Variants in IL17RA observed in about 807,000 individuals in gnomAD.
The protein encoded by IL17RA is interleukin 17 receptor A.
IL17RA carries 34 observed loss-of-function variants against 50.4 expected under a neutral mutation model. That is an observed-to-expected ratio of 0.67 (90% confidence interval 0.51 to 0.90). The LOEUF (loss-of-function observed/expected upper bound fraction) is 0.90, where lower values mean the gene tolerates loss of function less well. Among genes scored for constraint, IL17RA ranks in the 40% least tolerant of loss-of-function variants. The probability of loss-of-function intolerance (pLI) is 0.00; values close to 1 mark genes in which losing one functional copy is unlikely to be tolerated. For synonymous variants in IL17RA, 585 were observed against 510.4 expected, an observed-to-expected ratio of 1.15 and a Z score of -1.97; for missense variants, 1,276 against 1,169.8, an observed-to-expected ratio of 1.09 and a Z score of -1.32.
chr22:17,107,790 T>C (rs374305082), intron 12 of IL17RA, 22 bp downstream of exon 12: 7 of 1,610,482 alleles, frequency 4.3e-6, no homozygotes, highest in Non-Finnish European at 5.9e-6. Context: ...CTGGTTTGCA[T>C]GTTTGCTTAT....
chr22:17,102,121 CGT>C lies in IL17RA; in HGVS notation c.599-12_599-11del, dbSNP rs1247009182. 1.9e-6 allele frequency: 3 copies of C among 1,614,038 alleles called. No homozygotes were observed. On this transcript the variant is annotated splice_polypyrimidine_tract_variant and intron_variant, in intron 6 of 12. Transcript: ENST00000319363. ...CGTGCCCCTCCTCACTCCCAGCCTG[CGT>C]GTGTGACCTTGGCAGGCAGCCTGTG... is the stretch of plus-strand genomic sequence containing the variant.
intron 1 of IL17RA, among the ~76,000 whole-genome samples, chr22:17,094,691 C>CTCTCTCTCTCTA (rs1448096911): frequency 3.6e-4 from 9 of 24,696 alleles, no homozygotes; most frequent in Non-Finnish European, 4.7e-4. Context: ...CTCTCTCTCT[C>CTCTCTCTCTCTA]TATATATATA....
intron 12 of IL17RA, 106 bp downstream of exon 12, chr22:17,107,874 C>G: frequency 1.0e-6 from 1 of 969,300 alleles, no homozygotes; most frequent in Non-Finnish European, 1.7e-6. Context: ...CAAGTCCCTT[C>G]AGGAGACCCC....
rs193063321 is a variant in IL17RA at position 17,089,113 on chromosome 22, A to G, written c.138+3884A>G. On this transcript the variant is annotated intron_variant, in intron 1 of 12. Coordinates refer to ENST00000319363, the MANE Select transcript of IL17RA (RefSeq NM_014339.7). ...GCCTGGCCAATTTTTTAATTTTTTT[A>G]GTAGAGACAGGGTTTCACCAGGTTG... Among the ~76,000 whole-genome samples the G allele has an allele frequency of 1.1e-3, 168 of 152,128 alleles. 1 individual carries two copies. Among genetic ancestry groups the G allele is most frequent in the African/African-American group, 3.9e-3 (160 of 41,498 alleles).
At chr22:17,085,545 A>T (rs1195054284) in intron 1 of IL17RA, among the ~76,000 whole-genome samples, 1 of 151,374 alleles carries the variant, frequency 6.6e-6, no homozygotes, top group Admixed American at 6.6e-5. Flanking sequence ...TCGGGGAAGG[A>T]GGGCGCGGCG....
intron 1 of IL17RA, 83 bp downstream of exon 1, chr22:17,085,312 A>G: frequency 6.6e-7 from 1 of 1,517,368 alleles, no homozygotes; most frequent in Non-Finnish European, 8.8e-7. Flanking sequence ...GGTCGGGACT[A>G]CGCGCCCGGG....
Position 17,101,885 on chromosome 22 carries a change from G to A in IL17RA, c.551-111G>A, listed in dbSNP as rs1488350352. On this transcript the variant is annotated intron_variant, in intron 5 of 12. Transcript: ENST00000319363. ...GGAGCTCACTCTGAAGGGGCCACCTGCGGACAGGCTCCCAGTGGGGAAAAG... is the reference window on the plus strand; with the variant it reads ...GGAGCTCACTCTGAAGGGGCCACCTACGGACAGGCTCCCAGTGGGGAAAAG... The A allele has an allele frequency of 2.9e-6, 4 of 1,377,032 alleles. No individual in the cohort carries two copies. In the East Asian group the frequency reaches 9.4e-5, roughly 32 times the overall value. 85.3% of individuals were successfully genotyped at this position (1,377,032 alleles called of 1,614,324 possible).
chr22:17,095,840 G>C (rs2061366567), intron 1 of IL17RA, among the ~76,000 whole-genome samples: 1 of 152,162 alleles, frequency 6.6e-6, no homozygotes. Flanking sequence ...TGGGGTCCCA[G>C]AGAAGGAGGG....
In IL17RA at chr22:17,085,164, G is replaced by T; in HGVS notation, c.73G>T (p.Val25Leu). The T allele has an allele frequency of 6.6e-7, 1 of 1,522,150 alleles. No homozygotes were observed. The highest frequency in any genetic ancestry group is 1.2e-5 in the South Asian group (1 of 81,918). 94.3% of individuals were successfully genotyped at this position (1,522,150 alleles called of 1,614,324 possible). Residue 25 changes from valine (V) to leucine (L), a missense_variant, in exon 1 of 13, where the codon GTG becomes TTG. Val to Leu is a conservative substitution (Grantham distance 32, BLOSUM62 1). Transcript: ENST00000319363. ...LLGLLLLLLGVLAPGGASLRL... is the reference protein window; with the variant it reads ...LLGLLLLLLGLLAPGGASLRL... The stretch of plus-strand genomic sequence containing the variant: ...GGGGCTGCTCCTGCTGCTCCTGGGC[G>T]TGCTGGCCCCGGGTGGCGCCTCCCT...
At position 17,108,603 on chromosome 22, in the gene IL17RA, G is replaced by A. The variant is rs763832736; in HGVS notation, c.1384G>A (p.Gly462Arg). The part of the protein sequence containing the change: ...RAKWQALLGR[G>R]APVRLRCDHG... ...CAAGTGGCAGGCGCTCCTGGGCCGG[G>A]GGGCGCCTGTGCGGCTGCGCTGCGA... The change falls in exon 13 of 13, where the codon GGG becomes AGG. Residue 462 changes from glycine to arginine, a missense_variant. Physicochemically the swap from Gly to Arg is moderately radical, Grantham distance 125 (BLOSUM62 -2). Coordinates refer to ENST00000319363, the MANE Select transcript of IL17RA (RefSeq NM_014339.7). The A allele has an allele frequency of 6.9e-6, 11 of 1,604,664 alleles. No individual in the cohort carries two copies. The South Asian group carries it at 1.2e-4, about 18-fold the overall frequency.
At position 17,109,678 on chromosome 22, in the gene IL17RA, A is replaced by G; in HGVS notation, c.2459A>G (p.Asp820Gly). 6.3e-7 allele frequency: 1 copy of G among 1,593,920 alleles called. No individual in the cohort carries two copies. Among genetic ancestry groups the G allele is most frequent in the African/African-American group, 1.3e-5 (1 of 74,776 alleles). ...EMEEEEEEEQDPGKPALPLSP... is the reference protein window; with the variant it reads ...EMEEEEEEEQGPGKPALPLSP... ...GAGGAAGAGGAGGAAGAGGAGCAGG[A>G]CCCAGGGAAGCCGGCCCTGCCACTC... The change falls in exon 13 of 13, where the codon GAC becomes GGC. Residue 820 changes from aspartate (D) to glycine (G), a missense_variant. Coordinates refer to ENST00000319363, the MANE Select transcript of IL17RA (RefSeq NM_014339.7).
At chr22:17,094,438 G>T (rs1320446230) in intron 1 of IL17RA, among the ~76,000 whole-genome samples, 1 of 151,512 alleles carries the variant, frequency 6.6e-6, no homozygotes, top group Non-Finnish European at 1.5e-5. Flanking sequence ...ATATTGTTTG[G>T]AGAGAGGGAG....
Position 17,103,583 on chromosome 22 carries a change from T to C in IL17RA, c.846+6T>C. The C allele has an allele frequency of 6.2e-7, 1 of 1,608,956 alleles. No homozygotes were observed. The highest frequency in any genetic ancestry group is 8.5e-7 in the Non-Finnish European group (1 of 1,177,574). On this transcript the variant is annotated splice_donor_region_variant and intron_variant, in intron 8 of 12. Coordinates refer to ENST00000319363, the MANE Select transcript of IL17RA (RefSeq NM_014339.7). ...GCTGTCGCCACCAAGTGCAGGTGGG[T>C]GAGTGTGGTGTGGACAGGTGCAGGG... is the stretch of plus-strand genomic sequence containing the variant.
rs2061426375 is a variant in IL17RA, at chr22:17,108,898, G to A, written c.1679G>A (p.Arg560Gln). 1.2e-6 allele frequency: 2 copies of A among 1,611,226 alleles called. No homozygotes were observed. The highest frequency in any genetic ancestry group is 1.3e-5 in the African/African-American group (1 of 74,912). The change falls in exon 13 of 13, where the codon CGG (arginine) becomes CAG (glutamine). Residue 560 changes from arginine to glutamine, a missense_variant. Transcript: ENST00000319363. ...GAGCTGTCGGGGGACAACTACCTGC[G>A]GAGCCCGGGCGGCAGGCAGCTCCGC... ...VGELSGDNYL[R>Q]SPGGRQLRAA... is the part of the protein sequence containing the mutation.
In IL17RA at chr22:17,100,440, A is replaced by T; in HGVS notation, c.509A>T (p.Asp170Val). ...TVHHLPKPIP[D>V]GDPNHQSKNF... is the part of the protein sequence containing the mutation. ...CACCACCTGCCCAAGCCCATCCCTG[A>T]TGGGGACCCAAACCACCAGTCCAAG... The change falls in exon 5 of 13, where the codon GAT becomes GTT. Residue 170 changes from aspartate (D) to valine (V), a missense_variant. Transcript: ENST00000319363. The T allele has an allele frequency of 6.2e-7, 1 of 1,614,138 alleles. No homozygotes were observed. Among genetic ancestry groups the T allele is most frequent in the Non-Finnish European group, 8.5e-7 (1 of 1,180,004 alleles).
chr22:17,090,403 C>G (rs1367706414), intron 1 of IL17RA, among the ~76,000 whole-genome samples: 2 of 152,226 alleles, frequency 1.3e-5, no homozygotes, highest in East Asian at 3.8e-4. Flanking sequence ...TCAGTCCTTT[C>G]ATTTGTTTGG....
In IL17RA at chr22:17,104,923, G is replaced by GT. The variant is rs1358101338; in HGVS notation, c.931+116dup. On this transcript the variant is annotated intron_variant, in intron 9 of 12. Transcript: ENST00000319363. ...AGGGGTGATTAGGGAGGAGAGTTTA[G>GT]TTTAACTTGGAGTCCTTCAGGCCTG... 5 of 986,738 alleles carry GT rather than the reference G, an allele frequency of 5.1e-6. No individual in the cohort carries two copies. The Admixed American group carries it at 9.8e-5, about 19-fold the overall frequency. 61.1% of individuals were successfully genotyped at this position (986,738 alleles called of 1,614,324 possible). A position where few individuals can be genotyped will look rare whatever the true frequency, so the allele number is the denominator to read the frequency against.
In IL17RA at chr22:17,109,138, G is replaced by C. The variant is rs761619526; in HGVS notation, c.1919G>C (p.Gly640Ala). 6.5e-7 allele frequency: 1 copy of C among 1,539,784 alleles called. No individual in the cohort carries two copies. Reference protein sequence around the residue: ...QACLAIDPLVGEEGGAAVAKL... With the variant: ...QACLAIDPLVAEEGGAAVAKL... ...TGCCTGGCCATAGACCCGCTGGTCG[G>C]GGAGGAAGGAGGAGCAGCAGTGGCA... The change falls in exon 13 of 13, where the codon GGG becomes GCG. Residue 640 changes from glycine to alanine, a missense_variant. By Grantham distance (60) the Gly-to-Ala change is moderately conservative. Transcript: ENST00000319363.
Position 17,105,348 on chromosome 22 carries a change from C to T in IL17RA, c.932-243C>T, listed in dbSNP as rs1191696676. 6.6e-5 allele frequency among the ~76,000 whole-genome samples: 10 copies of T among 152,292 alleles called. No homozygotes were observed. The South Asian group carries it at 8.3e-4, about 13-fold the overall frequency. ...GCCACGTGCTCACCAGAAGGCAAGG[C>T]GCAGGCATGGAGCCAGGCTGGAAGG... On this transcript the variant is annotated intron_variant, in intron 9 of 12. Transcript: ENST00000319363.
Sources: gnomAD v4.1 joint callset for allele counts (sites outside exome capture counted in the v4.1 genomes callset) on GRCh38, gnomAD v4.1.1 for gene constraint, MANE v1.5 for transcripts, NCBI Gene and HGNC (gene_info 2026-07-23, HGNC 2026-07-21) for gene names.